The following CBFA2T2 variants were observed in gnomAD, a reference collection of about 807,000 sequenced individuals.
The protein encoded by CBFA2T2 is CBFA2/RUNX1 partner transcriptional co-repressor 2.
A neutral mutation model predicts 62.2 loss-of-function variants in CBFA2T2; 11 were observed. The ratio of observed to expected loss-of-function variants is 0.18; its 90% confidence interval spans 0.11 to 0.29. The LOEUF (loss-of-function observed/expected upper bound fraction) is 0.29. CBFA2T2 is among the 10% of genes least tolerant of loss of function. CBFA2T2 has a pLI of 1.00. For missense variants in CBFA2T2, 592 were observed against 774.1 expected, an observed-to-expected ratio of 0.76 and a Z score of 2.79; for synonymous variants, 295 against 287.5, an observed-to-expected ratio of 1.03 and a Z score of -0.27.
chr20:33,611,024 C>A, intron 2 of CBFA2T2, 70 bp from the exon 3 acceptor site: 1 of 1,582,052 alleles, frequency 6.3e-7, no homozygotes, highest in Non-Finnish European at 8.6e-7. Context: ...AAAATACAAA[C>A]AAGAAAAAAT....
At chr20:33,612,481 A>G (rs2015565194) in intron 3 of CBFA2T2, among the ~76,000 whole-genome samples, 1 of 152,214 alleles carries the variant, frequency 6.6e-6, no homozygotes, top group Non-Finnish European at 1.5e-5. Flanking sequence ...AACTATTTTC[A>G]TAATATAACA....
At chr20:33,613,831 G>C (rs551794043) in intron 3 of CBFA2T2, among the ~76,000 whole-genome samples, 1 of 152,270 alleles carries the variant, frequency 6.6e-6, no homozygotes, top group African/African-American at 2.4e-5. Flanking sequence ...AAATGAGCTT[G>C]AACATAATTG....
intron 1 of CBFA2T2, among the ~76,000 whole-genome samples, chr20:33,530,536 G>GC: frequency 6.6e-6 from 1 of 152,122 alleles, no homozygotes; most frequent in Non-Finnish European, 1.5e-5. Flanking sequence ...TCCTGCTTCA[G>GC]CCCCCCAGGT....
At chr20:33,555,074 TG>T (rs1410722430) in intron 1 of CBFA2T2, among the ~76,000 whole-genome samples, 1 of 152,216 alleles carries the variant, frequency 6.6e-6, no homozygotes, top group Non-Finnish European at 1.5e-5. Flanking sequence ...GGCTGAACGC[TG>T]TAGCAAAGTA....
chr20:33,594,672 G>GA (rs1221794882), intron 1 of CBFA2T2, among the ~76,000 whole-genome samples: 6 of 151,624 alleles, frequency 4.0e-5, no homozygotes, highest in Admixed American at 3.9e-4. Context: ...CCTGTCTCCC[G>GA]AAAAAAAAGT....
chr20:33,598,527 A>G (rs2014985985), intron 1 of CBFA2T2, among the ~76,000 whole-genome samples: 1 of 152,184 alleles, frequency 6.6e-6, no homozygotes. Flanking sequence ...TATTCCCTGA[A>G]CAATTGCTGT....
chr20:33,591,629 A>T (rs2014641184), intron 1 of CBFA2T2, among the ~76,000 whole-genome samples: 1 of 152,188 alleles, frequency 6.6e-6, no homozygotes, highest in African/African-American at 2.4e-5. Flanking sequence ...GAAAGACGGG[A>T]CTGGGCACAT....
chr20:33,497,142 G>A (rs1466778036), intron 1 of CBFA2T2, among the ~76,000 whole-genome samples: 1 of 151,958 alleles, frequency 6.6e-6, no homozygotes, highest in Non-Finnish European at 1.5e-5. Context: ...GCATGGTGGT[G>A]CATGCCTGTA....
At chr20:33,586,151 T>G (rs1338394561) in intron 1 of CBFA2T2, among the ~76,000 whole-genome samples, 1 of 152,194 alleles carries the variant, frequency 6.6e-6, no homozygotes, top group Admixed American at 6.5e-5. Flanking sequence ...ATTATCATTA[T>G]TATCACTGGG....
In CBFA2T2 at chr20:33,539,470, A is replaced by G. The variant is rs184999850; in HGVS notation, c.34+49169A>G. Among the ~76,000 whole-genome samples the G allele has an allele frequency of 2.0e-5, 3 of 150,158 alleles. No individual in the cohort carries two copies. The East Asian group carries it at 5.8e-4, about 29-fold the overall frequency. On this transcript the variant is annotated intron_variant, in intron 1 of 10. Transcript: ENST00000342704. The stretch of plus-strand genomic sequence containing the variant: ...TCAATGAAGCCCATCTTTATTACTC[A>G]TTTCCTATCATTGTTTACATCCCTG...
intron 1 of CBFA2T2, among the ~76,000 whole-genome samples, chr20:33,580,630 C>T (rs986625637): frequency 2.0e-5 from 3 of 152,162 alleles, no homozygotes; most frequent in African/African-American, 7.2e-5. Context: ...GTGGGCAGAT[C>T]ACTTGGGTCC....
intron 1 of CBFA2T2, among the ~76,000 whole-genome samples, chr20:33,526,082 AT>A (rs2011877467): frequency 6.6e-6 from 1 of 151,972 alleles, no homozygotes; most frequent in African/African-American, 2.4e-5. Flanking sequence ...TTAGAGGAAA[AT>A]ATATTAAATA....
intron 1 of CBFA2T2, among the ~76,000 whole-genome samples, chr20:33,552,923 T>C (rs2146886148): frequency 6.6e-6 from 1 of 152,342 alleles, no homozygotes; most frequent in South Asian, 2.1e-4. Context: ...CTTTTTAACC[T>C]GATCTACTTC....
intron 1 of CBFA2T2, among the ~76,000 whole-genome samples, chr20:33,567,933 A>G (rs1028565751): frequency 2.0e-5 from 3 of 152,086 alleles, no homozygotes; most frequent in African/African-American, 7.2e-5. Context: ...AAAACATAGT[A>G]TATATAGGGT....
Position 33,513,898 on chromosome 20 carries a change from G to GT in CBFA2T2, c.34+23606dup, listed in dbSNP as rs527308809. Among the ~76,000 whole-genome samples, 192 of 147,750 alleles carry GT rather than the reference G, an allele frequency of 1.3e-3. 2 individuals are homozygous for GT. In the South Asian group the frequency reaches 0.023, roughly 18 times the overall value. On this transcript the variant is annotated intron_variant, in intron 1 of 10. Coordinates refer to ENST00000342704, the MANE Select transcript of CBFA2T2 (RefSeq NM_001032999.3). ...AAGTACTTGCTGTTTTTTGTTTTGTGTTTTTTTTTGTTGTTGTTGTTGTTT... is the reference window on the plus strand; with the variant it reads ...AAGTACTTGCTGTTTTTTGTTTTGTGTTTTTTTTTTGTTGTTGTTGTTGTTT...
intron 1 of CBFA2T2, among the ~76,000 whole-genome samples, chr20:33,588,117 T>G (rs2014457769): frequency 6.6e-6 from 1 of 152,200 alleles, no homozygotes; most frequent in Non-Finnish European, 1.5e-5. Context: ...CTGTACATAT[T>G]TAACATATAC....
At chr20:33,618,160 T>C (rs902150307) in intron 3 of CBFA2T2, among the ~76,000 whole-genome samples, 5 of 150,386 alleles carry the variant, frequency 3.3e-5, no homozygotes, top group African/African-American at 1.2e-4. Context: ...TGTTGGTAGA[T>C]CTATATATTT....
chr20:33,590,828 T>C (rs1300802070), intron 1 of CBFA2T2, among the ~76,000 whole-genome samples: 1 of 152,038 alleles, frequency 6.6e-6, no homozygotes, highest in East Asian at 1.9e-4. Flanking sequence ...TATTAAAAAC[T>C]CGGTTTTTCA....
intron 5 of CBFA2T2, 99 bp from the exon 6 acceptor site, chr20:33,624,661 TGCCA>T: frequency 7.7e-7 from 1 of 1,305,868 alleles, no homozygotes; most frequent in Non-Finnish European, 1.1e-6. Context: ...TTCCTGTTTA[TGCCA>T]GCATGTAGCA....
Sources: gnomAD v4.1 joint callset for allele counts (sites outside exome capture counted in the v4.1 genomes callset) on GRCh38, gnomAD v4.1.1 for gene constraint, MANE v1.5 for transcripts, NCBI Gene and HGNC (gene_info 2026-07-23, HGNC 2026-07-21) for gene names.